PHLPP1: variants seen among roughly 807,000 people sequenced by gnomAD.
The protein encoded by PHLPP1 is PH domain and leucine rich repeat protein phosphatase 1.
PHLPP1 carries 42 observed loss-of-function variants against 117.2 expected under a neutral mutation model. The ratio of observed to expected loss-of-function variants is 0.36; its 90% CI spans 0.28 to 0.46. PHLPP1 has a LOEUF of 0.46. Among genes scored for constraint, PHLPP1 ranks in the 20% least tolerant of loss-of-function variants. The probability of loss-of-function intolerance (pLI) is 1.00; values close to 1 mark genes in which losing one functional copy is unlikely to be tolerated. For synonymous variants in PHLPP1, 1,042 were observed against 970.7 expected, an observed-to-expected ratio of 1.07 and a Z score of -1.37; for missense variants, 2,084 against 2,241.9, an observed-to-expected ratio of 0.93 and a Z score of 1.42.
Position 62,978,149 on chromosome 18 carries a change from AG to A in PHLPP1, c.3985-112del. 1.6e-6 allele frequency: 1 copy of A among 628,280 alleles called. No homozygotes were observed. The allele number at this position is 628,280 out of a possible 1,614,324, so 38.9% of individuals were successfully genotyped here. On this transcript the variant is annotated intron_variant, in intron 16 of 16. Coordinates refer to ENST00000262719, the MANE Select transcript of PHLPP1 (RefSeq NM_194449.4). This position sits in a 1 kb window ranked among gnomAD's most constrained non-coding sequence, Gnocchi z 7.0. ...CCCTTCTTTCCTCTGTGGGCCACAC[AG>A]CACTTCTCTGTGGTCCTACAGTCGA...
intron 1 of PHLPP1, among the ~76,000 whole-genome samples, chr18:62,731,839 A>G (rs186677093): frequency 6.6e-6 from 1 of 152,362 alleles, no homozygotes; most frequent in African/African-American, 2.4e-5. Context: ...GTCTACATAG[A>G]AGATCAAACC....
intron 1 of PHLPP1, among the ~76,000 whole-genome samples, chr18:62,753,049 T>C (rs1356652233): frequency 6.6e-6 from 1 of 152,206 alleles, no homozygotes; most frequent in Non-Finnish European, 1.5e-5. Flanking sequence ...AATTCTGACA[T>C]GTGGAACCCT....
chr18:62,760,600 A>AC (rs1912189932), intron 1 of PHLPP1, among the ~76,000 whole-genome samples: 1 of 151,866 alleles, frequency 6.6e-6, no homozygotes, highest in African/African-American at 2.4e-5. Context: ...ATATAATCCC[A>AC]CCCCCTGGAG....
At chr18:62,900,343 AT>A (rs1916681081) in intron 6 of PHLPP1, among the ~76,000 whole-genome samples, 2 of 142,758 alleles carry the variant, frequency 1.4e-5, no homozygotes, top group East Asian at 2.0e-4. Context: ...AAATAAATAA[AT>A]AAATAAAAAG....
intron 8 of PHLPP1, chr18:62,906,366 G>T (rs1599113821): frequency 1.3e-5 from 2 of 152,060 alleles, no homozygotes; most frequent in East Asian, 3.9e-4. Flanking sequence ...GCAGAAGACG[G>T]GTGATTTCTG....
chr18:62,778,549 C>T (rs1046303776), intron 1 of PHLPP1, among the ~76,000 whole-genome samples: 8 of 152,098 alleles, frequency 5.3e-5, no homozygotes, highest in African/African-American at 1.4e-4. Flanking sequence ...TATTGTATAC[C>T]GTGCTTATTC....
intron 14 of PHLPP1, among the ~76,000 whole-genome samples, chr18:62,968,529 C>CT (rs34849907): frequency 0.09 from 4,664 of 51,780 alleles, 1,897 homozygotes; most frequent in Non-Finnish European, 0.13. Flanking sequence ...CATTATTAGG[C>CT]TTTTTTTTTT....
chr18:62,848,139 C>T (rs773397042), intron 3 of PHLPP1, among the ~76,000 whole-genome samples: 1 of 152,262 alleles, frequency 6.6e-6, no homozygotes, highest in South Asian at 2.1e-4. Flanking sequence ...CTCATCTGAT[C>T]AGCACAGAGT....
chr18:62,768,887 T>C (rs1353027111), intron 1 of PHLPP1, among the ~76,000 whole-genome samples: 2 of 152,218 alleles, frequency 1.3e-5, no homozygotes, highest in African/African-American at 4.8e-5. Context: ...ATCAGAATTA[T>C]AATTTTAGTT....
intron 14 of PHLPP1, among the ~76,000 whole-genome samples, chr18:62,972,136 T>G (rs1599148038): frequency 6.6e-6 from 1 of 152,246 alleles, no homozygotes; most frequent in Non-Finnish European, 1.5e-5. Flanking sequence ...TTTCCCAGTG[T>G]TTTAGTTTTC....
At chr18:62,937,125 T>A (rs1361166948) in intron 10 of PHLPP1, among the ~76,000 whole-genome samples, 1 of 152,184 alleles carries the variant, frequency 6.6e-6, no homozygotes. Flanking sequence ...TCTAAGAGAA[T>A]TTGGCTGTAA....
chr18:62,766,094 TATATATATAAA>T (rs1271316143), intron 1 of PHLPP1, among the ~76,000 whole-genome samples: 9 of 80,438 alleles, frequency 1.1e-4, no homozygotes, highest in Admixed American at 1.3e-4. Flanking sequence ...TATATATATA[TATATATATAAA>T]ATATATATAT....
At chr18:62,796,595 G>A (rs1045103037) in intron 1 of PHLPP1, among the ~76,000 whole-genome samples, 1 of 152,176 alleles carries the variant, frequency 6.6e-6, no homozygotes, top group African/African-American at 2.4e-5. Flanking sequence ...CTTTACAGAT[G>A]GAAGTATTTG....
At chr18:62,900,030 C>G (rs1916671480) in intron 6 of PHLPP1, among the ~76,000 whole-genome samples, 1 of 152,126 alleles carries the variant, frequency 6.6e-6, no homozygotes, top group African/African-American at 2.4e-5. Context: ...GGTGCAGTGG[C>G]TCCTGCCTGT....
rs2122057711 is a variant in PHLPP1 at position 62,729,426 on chromosome 18, G to A, written c.1576+12167G>A. On this transcript the variant is annotated intron_variant, in intron 1 of 16. Coordinates refer to ENST00000262719, the MANE Select transcript of PHLPP1 (RefSeq NM_194449.4). ...AAAATACTAAATGAAGCTGGGCGTG[G>A]TGGCTCATGCCTGTAATCCCAGCAC... Among the ~76,000 whole-genome samples, 3 of 152,316 alleles carry A rather than the reference G, an allele frequency of 2.0e-5. 1 individual carries two copies. The highest frequency in any genetic ancestry group is 2.0e-4 in the Admixed American group (3 of 15,308).
intron 12 of PHLPP1, 34 bp from the exon 13 acceptor site, chr18:62,958,594 CA>C (rs1426024372): frequency 6.2e-7 from 1 of 1,610,944 alleles, no homozygotes; most frequent in Non-Finnish European, 8.5e-7. Flanking sequence ...TTCTCTAGAC[CA>C]TCTCTTTCTT....
intron 1 of PHLPP1, among the ~76,000 whole-genome samples, chr18:62,798,117 A>G (rs539883601): frequency 8.1e-4 from 123 of 152,330 alleles, no homozygotes; most frequent in African/African-American, 2.7e-3. Flanking sequence ...TAGAAGGCTC[A>G]TAAAAGCCCA....
rs3087164 is a variant in PHLPP1 at position 62,979,846 on chromosome 18, C to CTTTTG, written c.*445_*449dup. 7,241 of 162,054 alleles carry CTTTTG rather than the reference C, an allele frequency of 0.045. 532 individuals carry two copies. Among genetic ancestry groups the CTTTTG allele is most frequent in the African/African-American group, 0.16 (6,457 of 41,318 alleles). The allele number at this position is 162,054 out of a possible 1,614,324, so 10.0% of individuals were successfully genotyped here. A position where few individuals can be genotyped will look rare whatever the true frequency, so the allele number is the denominator to read the frequency against. ...TCTGTATTTCTTTGGGGGGAAAAGG[C>CTTTTG]TTTTGTTTTGTTTTGTTTTGTTTTG... On this transcript the variant is annotated 3_prime_UTR_variant, in exon 17 of 17. Transcript: ENST00000262719.
At chr18:62,874,277 G>A (rs1212948663) in intron 4 of PHLPP1, among the ~76,000 whole-genome samples, 1 of 151,968 alleles carries the variant, frequency 6.6e-6, no homozygotes, top group Non-Finnish European at 1.5e-5. Context: ...GGAGGCCAAG[G>A]CAGGTAGATT....
Sources: allele counts gnomAD v4.1 joint callset (sites outside exome capture counted in the v4.1 genomes callset), GRCh38; gene constraint gnomAD v4.1.1; non-coding constraint Gnocchi (gnomAD v3.1); transcripts MANE v1.5; gene names NCBI Gene and HGNC (gene_info 2026-07-23, HGNC 2026-07-21).